Variants in NEGR1 observed in about 807,000 individuals in gnomAD.
NEGR1 encodes the protein neuronal growth regulator 1, also known as IgLON family member 4.
Under a neutral mutation model 40.9 loss-of-function variants are expected in NEGR1, and 10 were observed. The observed-to-expected ratio is 0.24, with a 90% CI of 0.15 to 0.42. The LOEUF (loss-of-function observed/expected upper bound fraction) is 0.42, where lower values mean the gene tolerates loss of function less well. NEGR1 is among the 10% of genes least tolerant of loss of function. The probability of loss-of-function intolerance (pLI) is 1.00; values close to 1 mark genes in which losing one functional copy is unlikely to be tolerated. For missense variants in NEGR1, 352 were observed against 438.9 expected (o/e 0.80, Z 1.77); for synonymous variants, 185 against 166.8 (o/e 1.11, Z -0.84).
intron 6 of NEGR1, among the ~76,000 whole-genome samples, chr1:71,468,079 T>C (rs180811231): frequency 7.2e-5 from 11 of 152,106 alleles, no homozygotes; most frequent in South Asian, 4.1e-4. Flanking sequence ...TATACAAATA[T>C]AATATTAACA....
At chr1:71,699,320 T>C (rs1430602635) in intron 3 of NEGR1, among the ~76,000 whole-genome samples, 2 of 152,010 alleles carry the variant, frequency 1.3e-5, no homozygotes, top group Admixed American at 1.3e-4. Context: ...TCTGGGCCTT[T>C]ATTAACTGTG....
chr1:71,573,905 T>C (rs944533566), intron 6 of NEGR1, among the ~76,000 whole-genome samples: 2 of 152,180 alleles, frequency 1.3e-5, no homozygotes, highest in African/African-American at 4.8e-5. Context: ...CTTTAAAGGA[T>C]ACACCTACCA....
chr1:71,687,135 T>A (rs764631518), intron 4 of NEGR1, among the ~76,000 whole-genome samples: 2 of 152,356 alleles, frequency 1.3e-5, no homozygotes, highest in Middle Eastern at 6.8e-3. Context: ...CGATGTCTCA[T>A]ATTACTTAAA....
chr1:71,826,514 C>G (rs1658631288), intron 2 of NEGR1, among the ~76,000 whole-genome samples: 1 of 151,578 alleles, frequency 6.6e-6, no homozygotes, highest in African/African-American at 2.4e-5. Context: ...TTTCCTTTAC[C>G]TGAACAATTT....
chr1:71,881,638 G>A (rs1301565563), intron 2 of NEGR1, among the ~76,000 whole-genome samples: 2 of 151,974 alleles, frequency 1.3e-5, no homozygotes, highest in African/African-American at 4.8e-5. Flanking sequence ...TGTTAAATTT[G>A]AAGAAAAAAG....
intron 2 of NEGR1, among the ~76,000 whole-genome samples, chr1:71,916,415 T>C (rs1661585715): frequency 6.6e-6 from 1 of 152,104 alleles, no homozygotes; most frequent in Non-Finnish European, 1.5e-5. Flanking sequence ...TACCCATTCA[T>C]CATGAAACAC....
At chr1:71,864,980 G>T (rs1660070096) in intron 2 of NEGR1, among the ~76,000 whole-genome samples, 1 of 152,074 alleles carries the variant, frequency 6.6e-6, no homozygotes, top group Admixed American at 6.6e-5. Context: ...AAGAAGAGAG[G>T]TACACACTAA....
intron 1 of NEGR1, among the ~76,000 whole-genome samples, chr1:72,149,879 C>CAAAAAAAAA (rs1180110033): frequency 2.3e-4 from 9 of 39,308 alleles, no homozygotes; most frequent in East Asian, 7.9e-4. Context: ...AAAACTCTGT[C>CAAAAAAAAA]AAAAAAAAAA....
intron 2 of NEGR1, among the ~76,000 whole-genome samples, chr1:71,877,414 T>G (rs956454534): frequency 1.3e-5 from 2 of 152,170 alleles, no homozygotes; most frequent in African/African-American, 4.8e-5. Flanking sequence ...TGGTTTCTTC[T>G]GAGGGCTCCC....
intron 1 of NEGR1, among the ~76,000 whole-genome samples, chr1:72,086,952 G>C (rs1388870085): frequency 6.6e-6 from 1 of 151,974 alleles, no homozygotes; most frequent in African/African-American, 2.4e-5. Context: ...GAATTATAGA[G>C]TGATTAAAAA....
chr1:72,180,465 T>C (rs889830046), intron 1 of NEGR1, among the ~76,000 whole-genome samples: 7 of 148,678 alleles, frequency 4.7e-5, no homozygotes, highest in African/African-American at 1.5e-4. Context: ...AATAAATAAA[T>C]AGAATTACAA....
chr1:71,770,565 G>A (rs1181898988), intron 3 of NEGR1, among the ~76,000 whole-genome samples: 1 of 152,104 alleles, frequency 6.6e-6, no homozygotes, highest in African/African-American at 2.4e-5. Context: ...CAGAAGTAAG[G>A]CAGAAAATAT....
At chr1:71,507,116 G>C (rs914279296) in intron 6 of NEGR1, among the ~76,000 whole-genome samples, 1 of 152,224 alleles carries the variant, frequency 6.6e-6, no homozygotes, top group Non-Finnish European at 1.5e-5. Context: ...TTCCAGCAGA[G>C]GTAGCCATAG....
At chr1:72,163,551 T>A (rs192096426) in intron 1 of NEGR1, among the ~76,000 whole-genome samples, 1 of 152,086 alleles carries the variant, frequency 6.6e-6, no homozygotes, top group East Asian at 1.9e-4. Flanking sequence ...ACAATTTAGT[T>A]GTTAAACTAG....
At chr1:71,953,944 T>C (rs2768382) in intron 1 of NEGR1, among the ~76,000 whole-genome samples, 5,556 of 152,118 alleles carry the variant, frequency 0.037, 339 homozygotes, top group African/African-American at 0.13. Flanking sequence ...ATATCCACTT[T>C]ATCGCAGTGG....
chr1:71,649,524 G>A (rs537794533), intron 4 of NEGR1, among the ~76,000 whole-genome samples: 58 of 152,172 alleles, frequency 3.8e-4, no homozygotes, highest in African/African-American at 1.3e-3. Flanking sequence ...TGGTCATGAG[G>A]CTTGGTTAAT....
intron 1 of NEGR1, among the ~76,000 whole-genome samples, chr1:72,061,367 A>T (rs1206888565): frequency 1.3e-5 from 2 of 151,750 alleles, no homozygotes; most frequent in African/African-American, 4.8e-5. Context: ...ATGCATCCTA[A>T]AATTACATTT....
intron 3 of NEGR1, chr1:71,703,430 G>A: frequency 7.4e-6 from 1 of 134,628 alleles, no homozygotes; most frequent in African/African-American, 2.8e-5. Context: ...AACATTTAAA[G>A]AAACAGAAAT....
chr1:71,651,308 A>G (rs1320038178), intron 4 of NEGR1, among the ~76,000 whole-genome samples: 1 of 152,140 alleles, frequency 6.6e-6, no homozygotes, highest in Non-Finnish European at 1.5e-5. Flanking sequence ...CTGAAGCTCA[A>G]TTCCAGGATC....
Sources: allele counts gnomAD v4.1 joint callset (sites outside exome capture counted in the v4.1 genomes callset), GRCh38; gene constraint gnomAD v4.1.1; transcripts MANE v1.5; gene names NCBI Gene and HGNC (gene_info 2026-07-23, HGNC 2026-07-21).